DNAH12: variants seen among roughly 807,000 people sequenced by gnomAD.
The protein encoded by DNAH12 is dynein axonemal heavy chain 12.
DNAH12 carries 285 observed loss-of-function variants against 371.5 expected under a neutral mutation model. The ratio of observed to expected loss-of-function variants is 0.77; its 90% confidence interval spans 0.70 to 0.85. The LOEUF (loss-of-function observed/expected upper bound fraction) is 0.85, where lower values mean the gene tolerates loss of function less well. Ranked by LOEUF, DNAH12 falls within the 40% of genes least tolerant of loss-of-function variation. The pLI, the probability that DNAH12 is intolerant of heterozygous loss-of-function variation, is 0.00. For synonymous variants in DNAH12, 1,200 were observed against 1,213.0 expected (o/e 0.99, Z 0.22); for missense variants, 3,611 against 3,689.4 (o/e 0.98, Z 0.55).
At chr3:57,476,820 T>A (rs2066543915) in intron 13 of DNAH12, among the ~76,000 whole-genome samples, 1 of 152,170 alleles carries the variant, frequency 6.6e-6, no homozygotes, top group Non-Finnish European at 1.5e-5. Context: ...CATCTTGTGC[T>A]GGAAAAGGTA....
Position 57,519,765 on chromosome 3 carries a change from A to G in DNAH12, c.279+3818T>C. 2.5e-6 allele frequency: 4 copies of G among 1,601,000 alleles called. No individual in the cohort carries two copies. The South Asian group carries it at 4.4e-5, about 18-fold the overall frequency. ...GGGACATGCAGCAGTTGCGGAAGGA[A>G]TGATTACATTCTCCCAAGACCACAA... On this transcript the variant is annotated intron_variant, in intron 4 of 73. Transcript: ENST00000495027.
rs1324978712 is a variant in DNAH12 at position 57,381,875 on chromosome 3, A to ATT, written c.7992+385_7992+386dup. 8.4e-3 allele frequency among the ~76,000 whole-genome samples: 1,245 copies of ATT among 148,654 alleles called. 14 individuals are homozygous for ATT. Among genetic ancestry groups the ATT allele is most frequent in the African/African-American group, 0.026 (1,064 of 40,280 alleles). On this transcript the variant is annotated intron_variant, in intron 50 of 73. Coordinates refer to ENST00000495027, the MANE Select transcript of DNAH12 (RefSeq NM_001366028.2). ...GAAGCAACTAGAACCATATATATAT[A>ATT]TTTTTTTTTTTAGCTGAAGTCTCAC...
At chr3:57,404,804 T>A (rs554601647) in intron 42 of DNAH12, among the ~76,000 whole-genome samples, 165 bp downstream of exon 42, 1 of 152,310 alleles carries the variant, frequency 6.6e-6, no homozygotes, top group African/African-American at 2.4e-5. Context: ...AGGGTGACTA[T>A]AACAGGGAAT....
intron 58 of DNAH12, among the ~76,000 whole-genome samples, chr3:57,361,278 G>A (rs989470150): frequency 5.3e-4 from 80 of 151,572 alleles, no homozygotes; most frequent in African/African-American, 1.8e-3. Context: ...TGAACCCGGA[G>A]GTGGATGTTG....
intron 4 of DNAH12, among the ~76,000 whole-genome samples, chr3:57,521,060 T>C (rs1261984867): frequency 2.7e-5 from 2 of 73,238 alleles, no homozygotes; most frequent in African/African-American, 1.2e-4. Context: ...TGAGACTCTG[T>C]CTCAAAAAAA....
At chr3:57,333,970 A>G (rs1227702463) in intron 62 of DNAH12, among the ~76,000 whole-genome samples, 1 of 152,028 alleles carries the variant, frequency 6.6e-6, no homozygotes, top group African/African-American at 2.4e-5. Flanking sequence ...TTAAAAGAAA[A>G]TATTAGCAGA....
chr3:57,502,354 T>C lies in DNAH12; in HGVS notation c.1212A>G (p.Leu404=). ...TCTCATAATGCTTTCTTGCACCTTC[T>C]AAGTTCCGATGTACTGCTGCCTTCA... The part of the protein sequence containing the change: ...DTLKAAVHRN[L]EGARKHYETY... Residue 404 remains leucine (L), a synonymous_variant, in exon 10 of 74, where the codon TTA becomes TTG. Transcript: ENST00000495027. The C allele has an allele frequency of 6.2e-7, 1 of 1,614,182 alleles. No homozygotes were observed. The highest frequency in any genetic ancestry group is 8.5e-7 in the Non-Finnish European group (1 of 1,180,022).
At chr3:57,499,647 A>ATATATATATAT (rs1553711615) in intron 11 of DNAH12, among the ~76,000 whole-genome samples, 2 of 17,960 alleles carry the variant, frequency 1.1e-4, no homozygotes, top group Admixed American at 5.5e-4. Flanking sequence ...AAAAAAAAAA[A>ATATATATATAT]ATATATATAT....
At position 57,466,996 on chromosome 3, in the gene DNAH12, C is replaced by T. The variant is rs559530951; in HGVS notation, c.2349+1740G>A. Among the ~76,000 whole-genome samples, 313 of 152,082 alleles carry T rather than the reference C, an allele frequency of 2.1e-3. 1 individual carries two copies. The highest frequency in any genetic ancestry group is 3.8e-3 in the Non-Finnish European group (260 of 67,996). On this transcript the variant is annotated intron_variant, in intron 17 of 73. Transcript: ENST00000495027. ...TCTTGAACTTCTGGCCTCGAATGAT[C>T]CTCCTGCCTTGGCCTCCCAAAGCAC...
chr3:57,443,779 T>C (rs2065386624), intron 29 of DNAH12, among the ~76,000 whole-genome samples: 2 of 152,194 alleles, frequency 1.3e-5, no homozygotes, highest in East Asian at 1.9e-4. Context: ...TATAGGATGT[T>C]TTACTACTTT....
At chr3:57,409,431 G>C (rs12491732) in intron 39 of DNAH12, among the ~76,000 whole-genome samples, 34,509 of 151,866 alleles carry the variant, frequency 0.23, 4,568 homozygotes, top group South Asian at 0.43. Flanking sequence ...CCAATAAAAC[G>C]AATGAGTAGA....
chr3:57,460,522 C>T (rs547603736), intron 19 of DNAH12, among the ~76,000 whole-genome samples: 13 of 152,162 alleles, frequency 8.5e-5, no homozygotes, highest in South Asian at 2.1e-4. Context: ...AAAATCTCTA[C>T]GACAGCTTTT....
chr3:57,405,261 G>T, intron 41 of DNAH12, 114 bp from the exon 42 acceptor site: 1 of 912,676 alleles, frequency 1.1e-6, no homozygotes, highest in Non-Finnish European at 1.6e-6. Context: ...TAAACATTAG[G>T]GTAGTAAAAA....
intron 39 of DNAH12, among the ~76,000 whole-genome samples, chr3:57,409,520 C>A (rs2064139793): frequency 6.6e-6 from 1 of 151,440 alleles, no homozygotes; most frequent in African/African-American, 2.4e-5. Context: ...GTAATATGAG[C>A]CTATTTTTAC....
At chr3:57,552,967 G>A in the DNAH12 span, among the ~76,000 whole-genome samples, 58,667 of 151,828 alleles carry the variant, frequency 0.39, 12,672 homozygotes, top group South Asian at 0.56. Context: ...ACCTGAGGTC[G>A]GGAGTTTGAG....
intron 23 of DNAH12, among the ~76,000 whole-genome samples, 171 bp downstream of exon 23, chr3:57,454,604 T>C (rs2065852034): frequency 6.6e-6 from 1 of 152,048 alleles, no homozygotes. Context: ...GCACAGTGGC[T>C]CATGCCTCTA....
In DNAH12 at chr3:57,501,308, A is replaced by G; in HGVS notation, c.1335+13T>C. On this transcript the variant is annotated intron_variant, in intron 11 of 73. Coordinates refer to ENST00000495027, the MANE Select transcript of DNAH12 (RefSeq NM_001366028.2). ...ATTCAAAACGCATTAATAAAAACAG[A>G]ATTACCGCTTACCTCTGTATATTCA... The G allele has an allele frequency of 6.3e-7, 1 of 1,593,418 alleles. No homozygotes were observed. The highest frequency in any genetic ancestry group is 8.5e-7 in the Non-Finnish European group (1 of 1,170,664).
chr3:57,352,338 T>C, intron 59 of DNAH12, 113 bp from the exon 60 acceptor site: 4 of 1,145,554 alleles, frequency 3.5e-6, no homozygotes, highest in Non-Finnish European at 4.8e-6. Flanking sequence ...TAAAAACGTA[T>C]AAAGATACAC....
chr3:57,443,219 C>T (rs1448508703), intron 29 of DNAH12, among the ~76,000 whole-genome samples: 2 of 152,174 alleles, frequency 1.3e-5, no homozygotes, highest in South Asian at 4.1e-4. Context: ...AAGCAATTCT[C>T]CTGTCTCAGC....
Sources: allele counts gnomAD v4.1 joint callset (sites outside exome capture counted in the v4.1 genomes callset), GRCh38; gene constraint gnomAD v4.1.1; transcripts MANE v1.5; gene names NCBI Gene and HGNC (gene_info 2026-07-23, HGNC 2026-07-21).